ADAM19: variants seen among roughly 807,000 people sequenced by gnomAD.
The protein encoded by ADAM19 is ADAM metallopeptidase domain 19, also known as disintegrin and metalloproteinase domain-containing protein 19.
Under a neutral mutation model 114.7 loss-of-function variants are expected in ADAM19, and 65 were observed. The observed-to-expected ratio is 0.57, with a 90% CI of 0.46 to 0.70. The LOEUF (loss-of-function observed/expected upper bound fraction) is 0.70. Among genes scored for constraint, ADAM19 ranks in the 30% least tolerant of loss-of-function variants. ADAM19 has a pLI of 0.00. For synonymous variants in ADAM19, 466 were observed against 460.5 expected, an observed-to-expected ratio of 1.01 and a Z score of -0.15; for missense variants, 1,063 against 1,204.7, an observed-to-expected ratio of 0.88 and a Z score of 1.74.
chr5:157,569,394 A>ACC (rs10683040), intron 2 of ADAM19, among the ~76,000 whole-genome samples: 20,114 of 129,032 alleles, frequency 0.16, 1,449 homozygotes, highest in Middle Eastern at 0.28. Flanking sequence ...ACAGACACAC[A>ACC]CCCCTAGGTC....
At chr5:157,491,493 CCT>C (rs1345309614) in intron 18 of ADAM19, 120 bp downstream of exon 18, 10 of 708,882 alleles carry the variant, frequency 1.4e-5, no homozygotes, top group Non-Finnish European at 2.2e-5. Flanking sequence ...ATCCTGATTT[CCT>C]CTCTACAAAA....
rs1445518096 is a variant in ADAM19, at chr5:157,488,262, T to TA, written c.2550+2dup. The TA allele has an allele frequency of 6.2e-7, 1 of 1,611,486 alleles. No individual in the cohort carries two copies. ...AGCCCAAGGTTGCTGATTATCCACT[T>TA]ACCTGGGAAACGATGCAATTTGGTG... On this transcript the variant is annotated splice_region_variant and intron_variant, in intron 21 of 22. Coordinates refer to ENST00000257527, the MANE Select transcript of ADAM19 (RefSeq NM_033274.5).
chr5:157,518,137 T>C (rs1252122720), intron 7 of ADAM19, among the ~76,000 whole-genome samples: 1 of 151,828 alleles, frequency 6.6e-6, no homozygotes, highest in Non-Finnish European at 1.5e-5. Flanking sequence ...ATATTTATCA[T>C]CTTTGCAAAA....
At chr5:157,557,549 T>C (rs974841290) in intron 3 of ADAM19, among the ~76,000 whole-genome samples, 7 of 152,214 alleles carry the variant, frequency 4.6e-5, no homozygotes, top group African/African-American at 1.4e-4. Context: ...ATTTTAGAAA[T>C]AATGGCATCT....
chr5:157,529,393 GT>G (rs1561544968), intron 5 of ADAM19, among the ~76,000 whole-genome samples: 1 of 152,034 alleles, frequency 6.6e-6, no homozygotes, highest in Non-Finnish European at 1.5e-5. Context: ...ACATACATGT[GT>G]AGATCCTACT....
chr5:157,518,112 C>A (rs899871895), intron 7 of ADAM19, among the ~76,000 whole-genome samples: 2 of 151,936 alleles, frequency 1.3e-5, no homozygotes, highest in Non-Finnish European at 2.9e-5. Context: ...AGTTTTCAGT[C>A]GGATGACTGG....
chr5:157,552,066 G>A (rs552712439), intron 3 of ADAM19, among the ~76,000 whole-genome samples: 8 of 152,090 alleles, frequency 5.3e-5, no homozygotes, highest in Non-Finnish European at 1.0e-4. Flanking sequence ...CTCAAGAATC[G>A]CTTGAACCCA....
intron 7 of ADAM19, among the ~76,000 whole-genome samples, chr5:157,516,987 C>G (rs1756110080): frequency 6.6e-6 from 1 of 151,998 alleles, no homozygotes; most frequent in South Asian, 2.1e-4. Context: ...AAACCAATAT[C>G]AACATCAGTT....
Position 157,548,329 on chromosome 5 carries a change from A to C in ADAM19, c.252-10338T>G, listed in dbSNP as rs189607262. Among the ~76,000 whole-genome samples, 432 of 152,308 alleles carry C rather than the reference A, an allele frequency of 2.8e-3. 2 individuals are homozygous for C. Among genetic ancestry groups the C allele is most frequent in the Non-Finnish European group, 3.3e-3 (226 of 68,028 alleles). On this transcript the variant is annotated intron_variant, in intron 3 of 22. Transcript: ENST00000257527. Reference sequence around the variant, plus strand: ...CGTTCTAAGCCCCATGATGGCAGAGACTATTCTGATCACCATTGATTCTCC... The same window carrying C: ...CGTTCTAAGCCCCATGATGGCAGAGCCTATTCTGATCACCATTGATTCTCC...
chr5:157,546,751 T>A (rs1757061793), intron 3 of ADAM19, among the ~76,000 whole-genome samples: 1 of 151,998 alleles, frequency 6.6e-6, no homozygotes, highest in Non-Finnish European at 1.5e-5. Context: ...AGACTGCCAG[T>A]TTTCTGCAAG....
At chr5:157,503,171 C>T (rs1433430921) in intron 11 of ADAM19, among the ~76,000 whole-genome samples, 191 bp from the exon 12 acceptor site, 1 of 152,200 alleles carries the variant, frequency 6.6e-6, no homozygotes, top group Non-Finnish European at 1.5e-5. Context: ...TTTTTCATCC[C>T]TTGAGTTCGT....
intron 11 of ADAM19, among the ~76,000 whole-genome samples, chr5:157,504,901 C>T (rs988683157): frequency 3.3e-5 from 5 of 151,866 alleles, no homozygotes; most frequent in South Asian, 2.1e-4. Context: ...GGGTGGATCA[C>T]GAGGTCAGGA....
intron 5 of ADAM19, among the ~76,000 whole-genome samples, chr5:157,523,779 G>A (rs574671097): frequency 2.0e-5 from 3 of 152,244 alleles, no homozygotes; most frequent in Non-Finnish European, 4.4e-5. Context: ...CCTAAAAAAC[G>A]CAGAGCTGCA....
Position 157,520,095 on chromosome 5 carries a change from G to A in ADAM19, c.408-64C>T, listed in dbSNP as rs1350025863. 3 of 1,483,752 alleles carry A rather than the reference G, an allele frequency of 2.0e-6. No homozygotes were observed. The African/African-American group carries it at 4.2e-5, about 21-fold the overall frequency. 91.9% of individuals were successfully genotyped at this position (1,483,752 alleles called of 1,614,324 possible). On this transcript the variant is annotated intron_variant, in intron 5 of 22. Coordinates refer to ENST00000257527, the MANE Select transcript of ADAM19 (RefSeq NM_033274.5). ...TGGTTCTGAAAAAGTCCCTTGTGTA[G>A]GTCTTAGTTTCTCCATATGCAAAAT...
At chr5:157,482,974 C>T (rs1754804610) in intron 21 of ADAM19, among the ~76,000 whole-genome samples, 1 of 152,070 alleles carries the variant, frequency 6.6e-6, no homozygotes, top group Non-Finnish European at 1.5e-5. Context: ...CCAAACACCA[C>T]ATGTTCTCAC....
chr5:157,482,777 T>C (rs1051358812), intron 21 of ADAM19, among the ~76,000 whole-genome samples: 7 of 152,172 alleles, frequency 4.6e-5, no homozygotes, highest in Non-Finnish European at 7.3e-5. Flanking sequence ...TGTGGCACTA[T>C]TCACAACAGC....
chr5:157,559,062 T>C (rs945974884), intron 3 of ADAM19, among the ~76,000 whole-genome samples: 4 of 152,192 alleles, frequency 2.6e-5, no homozygotes, highest in Non-Finnish European at 5.9e-5. Context: ...AGATTAAAGT[T>C]GGAAGTAATG....
At chr5:157,526,452 T>A (rs1381800759) in intron 5 of ADAM19, among the ~76,000 whole-genome samples, 2 of 151,934 alleles carry the variant, frequency 1.3e-5, no homozygotes, top group African/African-American at 4.9e-5. Context: ...TTCCTGCTGA[T>A]AGACAGTGAG....
Position 157,548,710 on chromosome 5 carries a change from G to A in ADAM19, c.252-10719C>T, listed in dbSNP as rs115409510. Reference sequence around the variant, plus strand: ...ATCAAAAACATCTCCTGGGTGAAATGTAAATGTAGTTTCATTTTCAGGACA... The same window carrying A: ...ATCAAAAACATCTCCTGGGTGAAATATAAATGTAGTTTCATTTTCAGGACA... On this transcript the variant is annotated intron_variant, in intron 3 of 22. Transcript: ENST00000257527. Among the ~76,000 whole-genome samples the A allele has an allele frequency of 5.8e-3, 881 of 152,304 alleles. 5 individuals are homozygous for A. Among genetic ancestry groups the A allele is most frequent in the African/African-American group, 0.019 (793 of 41,564 alleles).
Sources: allele counts gnomAD v4.1 joint callset (sites outside exome capture counted in the v4.1 genomes callset), GRCh38; gene constraint gnomAD v4.1.1; transcripts MANE v1.5; gene names NCBI Gene and HGNC (gene_info 2026-07-23, HGNC 2026-07-21).